Variants in CD82 observed in about 807,000 individuals in gnomAD.
CD82 encodes the protein CD82 antigen.
In CD82, 36 loss-of-function variants were observed where a neutral mutation model predicts 37.4. The ratio of observed to expected loss-of-function variants is 0.96; its 90% CI spans 0.74 to 1.27. The LOEUF (loss-of-function observed/expected upper bound fraction) is 1.27, where lower values mean the gene tolerates loss of function less well. CD82 is among the 50% of genes most tolerant of loss of function. The probability of loss-of-function intolerance (pLI) is 0.00; values close to 1 mark genes in which losing one functional copy is unlikely to be tolerated. For missense variants in CD82, 340 were observed against 347.0 expected (o/e 0.98, Z 0.16); for synonymous variants, 158 against 137.4 (o/e 1.15, Z -1.05).
chr11:44,617,325 G>A (rs1853578548), intron 7 of CD82, among the ~76,000 whole-genome samples: 2 of 152,142 alleles, frequency 1.3e-5, no homozygotes, highest in South Asian at 2.1e-4. Context: ...TTGGGAGGCC[G>A]AGGCGGGCGG....
chr11:44,584,474 G>A (rs777303433), intron 1 of CD82, among the ~76,000 whole-genome samples: 13 of 152,128 alleles, frequency 8.5e-5, no homozygotes, highest in Non-Finnish European at 1.9e-4. Context: ...TTTTAGCAGA[G>A]ATGGAGTTTC....
At chr11:44,590,035 G>T (rs914496189) in intron 2 of CD82, among the ~76,000 whole-genome samples, 3 of 151,578 alleles carry the variant, frequency 2.0e-5, no homozygotes, top group Non-Finnish European at 4.4e-5. Context: ...GGGTTTCACC[G>T]TATTAGTCAG....
Position 44,591,752 on chromosome 11 carries a change from T to C in CD82, c.-20-2891T>C, listed in dbSNP as rs911652258. Among the ~76,000 whole-genome samples the C allele has an allele frequency of 3.9e-5, 6 of 152,344 alleles. No individual in the cohort carries two copies. In the East Asian group the frequency reaches 5.8e-4, roughly 15 times the overall value. The stretch of plus-strand genomic sequence containing the variant: ...GATGATGGGGGATGATGTCTGAACA[T>C]GGCCACTTGTAGTAGTTGCTATTCC... On this transcript the variant is annotated intron_variant, in intron 2 of 9. Transcript: ENST00000227155.
At chr11:44,567,145 T>G (rs1852747354) in intron 1 of CD82, among the ~76,000 whole-genome samples, 1 of 152,040 alleles carries the variant, frequency 6.6e-6, no homozygotes, top group Non-Finnish European at 1.5e-5. Flanking sequence ...ATTTCATGGG[T>G]CTGTTCTGCC....
At chr11:44,570,894 G>A (rs1377190223) in intron 1 of CD82, among the ~76,000 whole-genome samples, 1 of 152,102 alleles carries the variant, frequency 6.6e-6, no homozygotes, top group Non-Finnish European at 1.5e-5. Flanking sequence ...TGGAGAAATG[G>A]GACGGTGGCC....
intron 3 of CD82, 54 bp downstream of exon 3, chr11:44,594,779 G>A (rs1413468416): frequency 6.8e-7 from 1 of 1,470,996 alleles, no homozygotes. Flanking sequence ...TCCTTCCAGG[G>A]GCATCCCAGC....
At chr11:44,599,375 C>A (rs1853274539) in intron 3 of CD82, among the ~76,000 whole-genome samples, 1 of 152,260 alleles carries the variant, frequency 6.6e-6, no homozygotes, top group Non-Finnish European at 1.5e-5. Context: ...AACTCCTGGG[C>A]TCAAGTGATC....
chr11:44,592,667 C>T (rs565046997), intron 2 of CD82, among the ~76,000 whole-genome samples: 24 of 152,254 alleles, frequency 1.6e-4, no homozygotes, highest in Non-Finnish European at 2.4e-4. Flanking sequence ...TAGGCCAGGA[C>T]GGGGTTTGGG....
intron 4 of CD82, among the ~76,000 whole-genome samples, chr11:44,600,499 C>T (rs1163958062): frequency 6.6e-6 from 1 of 152,192 alleles, no homozygotes; most frequent in Non-Finnish European, 1.5e-5. Flanking sequence ...CCTTCCTGGC[C>T]CCTTCCCTTG....
At chr11:44,613,202 C>T (rs915015498) in intron 6 of CD82, among the ~76,000 whole-genome samples, 9 of 152,192 alleles carry the variant, frequency 5.9e-5, no homozygotes, top group Admixed American at 1.3e-4. Flanking sequence ...TAGGGTCCCT[C>T]GCCCCCACTG....
At chr11:44,592,603 A>G (rs1436065197) in intron 2 of CD82, among the ~76,000 whole-genome samples, 10 of 152,194 alleles carry the variant, frequency 6.6e-5, no homozygotes, top group Admixed American at 2.0e-4. Context: ...GAGGTGAGAG[A>G]GAGGAAAAAC....
At chr11:44,599,587 A>G in intron 3 of CD82, among the ~76,000 whole-genome samples, 1 of 152,262 alleles carries the variant, frequency 6.6e-6, no homozygotes, top group East Asian at 1.9e-4. Context: ...CTCACAGTTT[A>G]GCCAGAGAAA....
rs577477292 is a variant in CD82 at position 44,618,355 on chromosome 11, T to G, written c.632T>G (p.Val211Gly). 6.2e-7 allele frequency: 1 copy of G among 1,613,054 alleles called. No individual in the cohort carries two copies. The highest frequency in any genetic ancestry group is 2.2e-5 in the East Asian group (1 of 44,878). The change falls in exon 8 of 10, where the codon GTG (valine) becomes GGG (glycine). Residue 211 changes from valine (V) to glycine (G), a missense_variant. Val to Gly is a moderately radical substitution (Grantham distance 109). Transcript: ENST00000227155. ...QSGNHPEDWP[V>G]YQEGCMEKVQ... ...GGCAACCACCCTGAGGACTGGCCTG[T>G]GTACCAGGAGGTGTGCGGGGGGCTG... is the stretch of plus-strand genomic sequence containing the variant.
chr11:44,605,004 C>T, intron 4 of CD82, 54 bp from the exon 5 acceptor site: 1 of 1,613,514 alleles, frequency 6.2e-7, no homozygotes, highest in Non-Finnish European at 8.5e-7. Context: ...GACGGTTAGG[C>T]CAGGTGTTTA....
At chr11:44,605,836 GTTA>G (rs1853387084) in intron 6 of CD82, among the ~76,000 whole-genome samples, 1 of 152,222 alleles carries the variant, frequency 6.6e-6, no homozygotes, top group Non-Finnish European at 1.5e-5. Flanking sequence ...TGTTATTCTT[GTTA>G]TTATTAAGAT....
At chr11:44,615,224 C>A in intron 6 of CD82, 48 bp from the exon 7 acceptor site, 3 of 1,273,520 alleles carry the variant, frequency 2.4e-6, no homozygotes, top group Non-Finnish European at 3.5e-6. Context: ...CACAGGTGGG[C>A]ACGGGTTTCA....
intron 3 of CD82, among the ~76,000 whole-genome samples, chr11:44,599,098 C>G (rs1337709764): frequency 1.3e-5 from 2 of 152,216 alleles, no homozygotes; most frequent in African/African-American, 2.4e-5. Context: ...GGGAGAGAGG[C>G]AGGGAATCCC....
intron 1 of CD82, among the ~76,000 whole-genome samples, chr11:44,567,188 A>C (rs1337273974): frequency 6.6e-6 from 1 of 152,086 alleles, no homozygotes; most frequent in Non-Finnish European, 1.5e-5. Flanking sequence ...ACCATTGCAC[A>C]CTTGGCTTGG....
intron 6 of CD82, among the ~76,000 whole-genome samples, chr11:44,610,841 T>C (rs1853470641): frequency 1.3e-5 from 2 of 152,134 alleles, no homozygotes; most frequent in Admixed American, 6.5e-5. Flanking sequence ...CTTTTTTTTT[T>C]CTTTTCTTTT....
Sources: gnomAD v4.1 joint callset for allele counts (sites outside exome capture counted in the v4.1 genomes callset) on GRCh38, gnomAD v4.1.1 for gene constraint, MANE v1.5 for transcripts, NCBI Gene and HGNC (gene_info 2026-07-23, HGNC 2026-07-21) for gene names.